The following ST6GALNAC6 variants were observed in gnomAD, a reference collection of about 807,000 sequenced individuals.
ST6GALNAC6 encodes the protein alpha-N-acetylgalactosaminide alpha-2,6-sialyltransferase 6.
Under a neutral mutation model 34.3 loss-of-function variants are expected in ST6GALNAC6, and 19 were observed. That is an observed-to-expected ratio of 0.55 (90% confidence interval 0.39 to 0.81). The LOEUF is 0.81. Among genes scored for constraint, ST6GALNAC6 ranks in the 40% least tolerant of loss-of-function variants. The pLI is 0.00. For missense variants in ST6GALNAC6, 377 were observed against 467.7 expected, an observed-to-expected ratio of 0.81 and a Z score of 1.79; for synonymous variants, 185 against 182.1, an observed-to-expected ratio of 1.02 and a Z score of -0.13.
At chr9:127,904,614 T>C (rs1588668004), upstream of ST6GALNAC6, 5 of 151,912 alleles carry the variant, frequency 3.3e-5, no homozygotes, top group Admixed American at 2.6e-4. Context: ...CCGCAGCGGG[T>C]CGTGGGCAGA....
intron 4 of ST6GALNAC6, among the ~76,000 whole-genome samples, chr9:127,893,701 C>A (rs146069759): frequency 6.6e-6 from 1 of 152,162 alleles, no homozygotes; most frequent in Non-Finnish European, 1.5e-5. Context: ...ATTTTTATTC[C>A]GCTTTCAAGG....
chr9:127,905,262 A>C, exon 1 of ST6GALNAC6: 1 of 985,522 alleles, frequency 1.0e-6, no homozygotes, highest in Admixed American at 6.1e-5. Flanking sequence ...CAGTTTCCTG[A>C]TCAAGACAGC....
At chr9:127,886,841 C>A in intron 6 of ST6GALNAC6, 53 bp from the exon 7 acceptor site, 1 of 1,518,094 alleles carries the variant, frequency 6.6e-7, no homozygotes, top group South Asian at 1.3e-5. Flanking sequence ...TGGCAGGGTC[C>A]TTGCCCTTTC....
intron 1 of ST6GALNAC6, 40 bp from the exon 2 acceptor site, chr9:127,898,050 T>C: frequency 9.8e-7 from 1 of 1,018,778 alleles, no homozygotes; most frequent in Non-Finnish European, 1.5e-6. Context: ...ACTCAAGGGG[T>C]TGTTGGAAGG....
At chr9:127,894,862 C>T (rs1830356873) in intron 3 of ST6GALNAC6, among the ~76,000 whole-genome samples, 171 bp from the exon 4 acceptor site, 1 of 152,238 alleles carries the variant, frequency 6.6e-6, no homozygotes. Flanking sequence ...CATCACAACA[C>T]TGATCATACT....
intron 1 of ST6GALNAC6, 78 bp from the exon 2 acceptor site, chr9:127,898,088 C>A (rs747895603): frequency 1.2e-6 from 1 of 805,072 alleles, no homozygotes; most frequent in Admixed American, 2.0e-5. Context: ...AAGGGACACG[C>A]GGGGCTTGAA....
intron 4 of ST6GALNAC6, among the ~76,000 whole-genome samples, chr9:127,893,190 G>A (rs538305612): frequency 6.6e-6 from 1 of 152,214 alleles, no homozygotes; most frequent in South Asian, 2.1e-4. Context: ...GCTCCAATGT[G>A]GAAATAAAGG....
rs1830072790 is a variant in ST6GALNAC6 at position 127,890,584 on chromosome 9, A to G, written c.704+53T>C. The stretch of plus-strand genomic sequence containing the variant: ...GAGCAACAGGCCCTCTGGATGGGGC[A>G]TGCTGAGAAGGAGCACAGTGCTGGC... On this transcript the variant is annotated intron_variant, in intron 5 of 6. Transcript: ENST00000373146. The surrounding 1 kb of genome is among the most constrained non-coding windows in gnomAD (Gnocchi z 4.3). 3 of 1,607,678 alleles carry G rather than the reference A, an allele frequency of 1.9e-6. No individual in the cohort carries two copies. The highest frequency in any genetic ancestry group is 1.7e-5 in the Admixed American group (1 of 59,728).
intron 1 of ST6GALNAC6, 78 bp downstream of exon 1, chr9:127,899,422 TCTC>T: frequency 1.3e-6 from 1 of 747,812 alleles, no homozygotes; most frequent in Non-Finnish European, 1.6e-6. Context: ...CGATTAGCAA[TCTC>T]CTCTCCCGGC....
intron 2 of ST6GALNAC6, chr9:127,897,354 T>C (rs1830528743): frequency 1.0e-6 from 1 of 985,906 alleles, no homozygotes; most frequent in Admixed American, 6.1e-5. Context: ...TCCTGTATTC[T>C]CTGAGCCCTT....
intron 5 of ST6GALNAC6, among the ~76,000 whole-genome samples, chr9:127,888,112 T>C (rs1030407129): frequency 2.0e-5 from 3 of 152,092 alleles, no homozygotes; most frequent in African/African-American, 7.2e-5. Flanking sequence ...TTAGGTAGTA[T>C]GGAAAAAAGA....
chr9:127,896,476 C>A, intron 2 of ST6GALNAC6, 144 bp from the exon 3 acceptor site: 4 of 690,454 alleles, frequency 5.8e-6, no homozygotes, highest in Non-Finnish European at 9.4e-6. Context: ...CAGACGGAGA[C>A]ACTGAGGGCC....
chr9:127,897,455 G>A, intron 2 of ST6GALNAC6: 1 of 986,924 alleles, frequency 1.0e-6, no homozygotes, highest in Non-Finnish European at 1.2e-6. Context: ...CCTCGCTCCT[G>A]ATTGGTTAGA....
intron 2 of ST6GALNAC6, chr9:127,897,232 GC>G: frequency 1.0e-6 from 1 of 985,934 alleles, no homozygotes; most frequent in Non-Finnish European, 1.2e-6. Context: ...ACTGTGTCCA[GC>G]CTACCTCCAG....
chr9:127,897,333 G>T, intron 2 of ST6GALNAC6: 1 of 985,770 alleles, frequency 1.0e-6, no homozygotes, highest in Non-Finnish European at 1.2e-6. Flanking sequence ...CTGCTCCAGG[G>T]GCCTCTCAGT....
rs201861288 is a variant in ST6GALNAC6 at position 127,896,265 on chromosome 9, G to A, written c.94C>T (p.Arg32Trp). The change falls in exon 3 of 7, where the codon CGG becomes TGG. Residue 32 changes from arginine (R) to tryptophan (W), a missense_variant. By Grantham distance (101) the Arg-to-Trp change is moderately radical. Coordinates refer to ENST00000373146, the MANE Select transcript of ST6GALNAC6 (RefSeq NM_013443.5). ...GRRHLPLSRRRREMSSNKEQR... is the reference protein window; with the variant it reads ...GRRHLPLSRRWREMSSNKEQR... ...ACTTTGTTGCTACTCATTTCTCTCC[G>A]GCGTCTGCTGAGGGGTAGGTGTCGG... 79 of 1,614,114 alleles carry A rather than the reference G, an allele frequency of 4.9e-5. No homozygotes were observed. In the East Asian group the frequency reaches 8.0e-4, roughly 16 times the overall value.
intron 2 of ST6GALNAC6, chr9:127,897,515 C>T: frequency 1.2e-6 from 1 of 864,880 alleles, no homozygotes; most frequent in Non-Finnish European, 1.4e-6. Flanking sequence ...TGGGAGCGCC[C>T]CTCATCCGGA....
At chr9:127,900,093 A>C (rs181833361), upstream of ST6GALNAC6, among the ~76,000 whole-genome samples, 452 of 152,348 alleles carry the variant, frequency 3.0e-3, 1 homozygote, top group Non-Finnish European at 4.5e-3. Context: ...GAAAATAGGG[A>C]GAAGAATAAC....
intron 4 of ST6GALNAC6, among the ~76,000 whole-genome samples, 153 bp from the exon 5 acceptor site, chr9:127,891,196 C>G (rs952373969): frequency 1.3e-5 from 2 of 152,144 alleles, no homozygotes; most frequent in Non-Finnish European, 2.9e-5. Context: ...ACATTGATAG[C>G]AAGCTGGTTA....
Sources: gnomAD v4.1 joint callset for allele counts (sites outside exome capture counted in the v4.1 genomes callset) on GRCh38, gnomAD v4.1.1 for gene constraint, Gnocchi (gnomAD v3.1) non-coding constraint, MANE v1.5 for transcripts, NCBI Gene and HGNC (gene_info 2026-07-23, HGNC 2026-07-21) for gene names.